The following TBL1XR1 variants were observed in gnomAD, a reference collection of about 807,000 sequenced individuals.
TBL1XR1 encodes F-box-like/WD repeat-containing protein TBL1XR1.
TBL1XR1 carries 5 observed loss-of-function variants against 66.9 expected under a neutral mutation model. The ratio of observed to expected loss-of-function variants is 0.07; its 90% CI spans 0.04 to 0.16. The LOEUF (loss-of-function observed/expected upper bound fraction) is 0.16. TBL1XR1 is among the 10% of genes least tolerant of loss of function. The pLI is 1.00. For synonymous variants in TBL1XR1, 210 were observed against 206.0 expected (o/e 1.02, Z -0.17); for missense variants, 238 against 623.2 (o/e 0.38, Z 6.58).
intron 1 of TBL1XR1, among the ~76,000 whole-genome samples, chr3:177,118,431 T>C (rs1194479885): frequency 2.0e-5 from 3 of 152,164 alleles, no homozygotes; most frequent in African/African-American, 7.2e-5. Context: ...CACGGTATTT[T>C]TATCCAAAGG....
At chr3:177,089,177 T>G (rs973481261) in intron 2 of TBL1XR1, among the ~76,000 whole-genome samples, 1 of 152,114 alleles carries the variant, frequency 6.6e-6, no homozygotes, top group African/African-American at 2.4e-5. Flanking sequence ...AAAGAGGTGA[T>G]TTACTAATTA....
intron 12 of TBL1XR1, 171 bp downstream of exon 12, chr3:177,037,927 G>C (rs1257974655): frequency 1.7e-6 from 1 of 579,348 alleles, no homozygotes; most frequent in African/African-American, 1.9e-5. Context: ...ATGTATTTCA[G>C]AAAAGAAACT....
intron 1 of TBL1XR1, among the ~76,000 whole-genome samples, chr3:177,172,578 A>G (rs1733662581): frequency 6.7e-6 from 1 of 149,622 alleles, no homozygotes; most frequent in African/African-American, 2.5e-5. Flanking sequence ...CCATAATCGT[A>G]CCACTACACT....
chr3:177,195,709 G>C (rs934669040), intron 1 of TBL1XR1: 1 of 151,644 alleles, frequency 6.6e-6, no homozygotes, highest in African/African-American at 2.4e-5. Context: ...TATATGAGGT[G>C]GGGGGTAGAG....
chr3:177,071,972 G>T (rs536001051), intron 2 of TBL1XR1, among the ~76,000 whole-genome samples: 45 of 152,308 alleles, frequency 3.0e-4, no homozygotes, highest in African/African-American at 1.0e-3. Flanking sequence ...GGGCTGGGGA[G>T]AAGAGAAGTA....
chr3:177,118,877 C>T (rs889039961), intron 1 of TBL1XR1, among the ~76,000 whole-genome samples: 4 of 152,158 alleles, frequency 2.6e-5, no homozygotes, highest in Non-Finnish European at 5.9e-5. Context: ...TGCCTGCAAA[C>T]CAGACAGCAA....
chr3:177,094,586 T>A (rs964768550), intron 2 of TBL1XR1, among the ~76,000 whole-genome samples: 16 of 152,044 alleles, frequency 1.1e-4, no homozygotes, highest in African/African-American at 3.1e-4. Context: ...AGTCAACAAG[T>A]GGATAAAGAA....
rs769514144 is a variant in TBL1XR1 at position 177,034,263 on chromosome 3, A to G, written c.1185T>C (p.Tyr395=). The G allele has an allele frequency of 1.2e-5, 19 of 1,600,920 alleles. No individual in the cohort carries two copies. In the African/African-American group the frequency reaches 2.3e-4, roughly 19 times the overall value. The change falls in exon 13 of 16, where the codon TAT becomes TAC. Residue 395 remains tyrosine (Y), a synonymous_variant. Coordinates refer to ENST00000457928, the MANE Select transcript of TBL1XR1 (RefSeq NM_024665.7). The stretch of plus-strand genomic sequence containing the variant: ...GTCCTGTTGGACTCCATTTGATAGT[A>G]TAAATTTCTTTATTATGTGCTTGCA... ...HDLQAHNKEI[Y]TIKWSPTGPG...
intron 1 of TBL1XR1, among the ~76,000 whole-genome samples, chr3:177,151,988 CA>C (rs1037296803): frequency 9.2e-5 from 14 of 152,168 alleles, no homozygotes; most frequent in African/African-American, 3.4e-4. Flanking sequence ...AGCGCCATCG[CA>C]CTCCAGCCTG....
intron 1 of TBL1XR1, among the ~76,000 whole-genome samples, chr3:177,156,896 T>C (rs1025220501): frequency 3.3e-5 from 5 of 152,194 alleles, no homozygotes; most frequent in Non-Finnish European, 7.3e-5. Flanking sequence ...AAGCACAAAA[T>C]ACACAGTGTA....
chr3:177,113,816 CT>C (rs1725950789), intron 1 of TBL1XR1, among the ~76,000 whole-genome samples: 1 of 152,124 alleles, frequency 6.6e-6, no homozygotes, highest in Non-Finnish European at 1.5e-5. Context: ...GAAATATTAT[CT>C]CACCCCAGTC....
upstream of TBL1XR1, among the ~76,000 whole-genome samples, chr3:177,198,033 C>T (rs978484580): frequency 1.3e-5 from 2 of 151,672 alleles, no homozygotes; most frequent in Non-Finnish European, 2.9e-5. Context: ...GGGCTGGGCG[C>T]ACACGCGGCG....
upstream of TBL1XR1, among the ~76,000 whole-genome samples, chr3:177,199,155 A>G (rs576051209): frequency 6.6e-6 from 1 of 152,232 alleles, no homozygotes; most frequent in African/African-American, 2.4e-5. Context: ...GTGTCCTTAG[A>G]GCTATTTTCA....
intron 1 of TBL1XR1, among the ~76,000 whole-genome samples, chr3:177,114,278 C>T (rs1054941299): frequency 4.6e-4 from 70 of 150,636 alleles, no homozygotes; most frequent in African/African-American, 1.6e-3. Flanking sequence ...TATATATACA[C>T]ACATCATATA....
intron 1 of TBL1XR1, among the ~76,000 whole-genome samples, chr3:177,161,361 T>C (rs1217106691): frequency 6.6e-6 from 1 of 152,202 alleles, no homozygotes; most frequent in African/African-American, 2.4e-5. Flanking sequence ...AGCAAACAGG[T>C]TATTTCCCAC....
chr3:177,144,246 C>CA (rs71178097), intron 1 of TBL1XR1, among the ~76,000 whole-genome samples: 14 of 148,350 alleles, frequency 9.4e-5, no homozygotes, highest in South Asian at 8.6e-4. Flanking sequence ...AACTCCGTCT[C>CA]AAAAAAAAAC....
At chr3:177,112,107 A>ATATATATATATATTTT in intron 1 of TBL1XR1, among the ~76,000 whole-genome samples, 9 of 37,640 alleles carry the variant, frequency 2.4e-4, no homozygotes, top group African/African-American at 6.4e-4. Context: ...ATATATATAT[A>ATATATATATATATTTT]TTTTTTTTTT....
intron 1 of TBL1XR1, among the ~76,000 whole-genome samples, chr3:177,136,801 G>C (rs997745646): frequency 1.3e-5 from 2 of 152,066 alleles, no homozygotes; most frequent in Admixed American, 1.3e-4. Context: ...GAACTGGCTG[G>C]TCCTGTCTTT....
chr3:177,063,775 G>A (rs887931705), intron 3 of TBL1XR1, among the ~76,000 whole-genome samples: 1 of 151,948 alleles, frequency 6.6e-6, no homozygotes, highest in African/African-American at 2.4e-5. Context: ...ATTCTCTGTG[G>A]GCTTGGATAC....
Sources: gnomAD v4.1 joint callset for allele counts (sites outside exome capture counted in the v4.1 genomes callset) on GRCh38, gnomAD v4.1.1 for gene constraint, MANE v1.5 for transcripts, NCBI Gene and HGNC (gene_info 2026-07-23, HGNC 2026-07-21) for gene names.